CNGB1: variants seen among roughly 807,000 people sequenced by gnomAD.
CNGB1 encodes cyclic nucleotide-gated channel beta-1.
Under a neutral mutation model 151.7 loss-of-function variants are expected in CNGB1, and 126 were observed. That is an observed-to-expected ratio of 0.83 (90% CI 0.72 to 0.96). The LOEUF is 0.96. Ranked by LOEUF, CNGB1 falls within the 40% of genes least tolerant of loss-of-function variation. CNGB1 has a pLI of 0.00. For missense variants in CNGB1, 1,698 were observed against 1,627.0 expected (o/e 1.04, Z -0.75); for synonymous variants, 623 against 635.1 (o/e 0.98, Z 0.29).
chr16:57,963,820 A>G (rs1962322766), intron 4 of CNGB1: 2 of 436,482 alleles, frequency 4.6e-6, no homozygotes, highest in Admixed American at 7.1e-5. Flanking sequence ...AGTCTAATGA[A>G]TGAATGAGTG....
intron 16 of CNGB1, 89 bp downstream of exon 16, chr16:57,939,341 G>A: frequency 6.4e-7 from 1 of 1,570,128 alleles, no homozygotes; most frequent in Non-Finnish European, 8.7e-7. Context: ...GGGAGAGGAG[G>A]AGGGGTTGCC....
intron 12 of CNGB1, among the ~76,000 whole-genome samples, chr16:57,956,084 G>A (rs751031350): frequency 7.2e-5 from 11 of 152,218 alleles, no homozygotes; most frequent in Non-Finnish European, 1.5e-4. Flanking sequence ...CCTGGCCACA[G>A]CTGGCGGGGA....
chr16:57,944,551 A>G (rs1167586654), intron 14 of CNGB1, among the ~76,000 whole-genome samples: 2 of 152,226 alleles, frequency 1.3e-5, no homozygotes, highest in African/African-American at 4.8e-5. Flanking sequence ...AAAAATGATG[A>G]ACATATGAGG....
At chr16:57,890,086 C>T (rs1357771832) in intron 31 of CNGB1, among the ~76,000 whole-genome samples, 1 of 152,214 alleles carries the variant, frequency 6.6e-6, no homozygotes, top group African/African-American at 2.4e-5. Flanking sequence ...TTTCACACTA[C>T]AAACATGCGG....
chr16:57,939,676 G>T, intron 15 of CNGB1, 84 bp from the exon 16 acceptor site: 1 of 1,576,710 alleles, frequency 6.3e-7, no homozygotes, highest in African/African-American at 1.3e-5. Flanking sequence ...TCTGCCTTCA[G>T]AAGTCCACAT....
Position 57,897,839 on chromosome 16 carries a change from C to T in CNGB1, c.3052G>A (p.Val1018Met). 1.2e-6 allele frequency: 2 copies of T among 1,614,230 alleles called. No homozygotes were observed. The highest frequency in any genetic ancestry group is 1.7e-6 in the Non-Finnish European group (2 of 1,180,042). Residue 1018 changes from valine (V) to methionine (M), a missense_variant, in exon 30 of 33, where the codon GTG (valine) becomes ATG (methionine). Val to Met is a conservative substitution (Grantham distance 21, BLOSUM62 1). Transcript: ENST00000251102. ...QVLGGPDGKS[V>M]LVTLKAGSVF... ...GATCCAGCTTTCAGCGTCACCAGCA[C>T]AGATTTCCCATCAGGGCCGCCCAAG...
chr16:57,903,446 T>G (rs1159313827), intron 27 of CNGB1, among the ~76,000 whole-genome samples: 1 of 151,964 alleles, frequency 6.6e-6, no homozygotes, highest in Non-Finnish European at 1.5e-5. Context: ...GAGCCAAGAT[T>G]GCTCCACTGC....
chr16:57,963,118 C>T (rs1411276327), intron 4 of CNGB1, 54 bp from the exon 5 acceptor site: 2 of 1,298,478 alleles, frequency 1.5e-6, no homozygotes, highest in Non-Finnish European at 1.1e-6. Flanking sequence ...CTCAATGAGG[C>T]CCTCGAGGCC....
intron 14 of CNGB1, 91 bp from the exon 15 acceptor site, chr16:57,940,412 A>C (rs1961639262): frequency 5.5e-6 from 7 of 1,272,474 alleles, no homozygotes; most frequent in Non-Finnish European, 7.7e-6. Context: ...GCTCTGTGCC[A>C]GGAGCGGAGG....
intron 1 of CNGB1, among the ~76,000 whole-genome samples, chr16:57,969,600 C>T (rs1038578934): frequency 1.3e-5 from 2 of 152,138 alleles, no homozygotes; most frequent in African/African-American, 4.8e-5. Flanking sequence ...GAGTAAGACC[C>T]TGTCTCAAAA....
Position 57,967,195 on chromosome 16 carries a change from G to A in CNGB1, c.92C>T (p.Pro31Leu), listed in dbSNP as rs1363816505. The change falls in exon 2 of 33, where the codon CCA (proline) becomes CTA (leucine). Residue 31 changes from proline (P) to leucine (L), a missense_variant. Pro to Leu is a moderately conservative substitution (Grantham distance 98, BLOSUM62 -3). Transcript: ENST00000251102. ...MQEEEEVEPE[P>L]EMEAEVEPEP... ...TGGTTCCACCTCCGCCTCCATCTCT[G>A]GCTCTGGTTCCACTTCCTCTTCCTC... 6.2e-7 allele frequency: 1 copy of A among 1,614,120 alleles called. No homozygotes were observed. The highest frequency in any genetic ancestry group is 1.7e-5 in the Admixed American group (1 of 60,014).
chr16:57,962,529 T>C (rs780919261), intron 7 of CNGB1, 36 bp downstream of exon 7: 5 of 1,601,916 alleles, frequency 3.1e-6, no homozygotes, highest in Non-Finnish European at 3.4e-6. Context: ...CACCCACACA[T>C]ACAGACAACA....
chr16:57,908,702 C>T (rs533156466), intron 25 of CNGB1, among the ~76,000 whole-genome samples: 1 of 152,330 alleles, frequency 6.6e-6, no homozygotes, highest in South Asian at 2.1e-4. Context: ...ACTCCTCATC[C>T]CTCGTCCCTC....
chr16:57,888,316 A>G (rs1487594853), intron 31 of CNGB1, among the ~76,000 whole-genome samples: 1 of 152,166 alleles, frequency 6.6e-6, no homozygotes, highest in Non-Finnish European at 1.5e-5. Flanking sequence ...GATGAGGAAA[A>G]TGATGCTCAG....
At chr16:57,962,537 A>G (rs1292740152) in intron 7 of CNGB1, 28 bp downstream of exon 7, 39 of 1,607,666 alleles carry the variant, frequency 2.4e-5, no homozygotes, top group African/African-American at 4.0e-5. Context: ...CATACAGACA[A>G]CAGTGACACT....
Position 57,960,520 on chromosome 16 carries a change from T to A in CNGB1, c.545A>T (p.Asp182Val), listed in dbSNP as rs748928062. The A allele has an allele frequency of 6.2e-6, 10 of 1,613,728 alleles. 1 individual carries two copies. The South Asian group carries it at 1.1e-4, about 18-fold the overall frequency. The change falls in exon 9 of 33, where the codon GAT becomes GTT. Residue 182 changes from aspartate (D) to valine (V), a missense_variant. By Grantham distance (152) the Asp-to-Val change is radical (BLOSUM62 -3). Transcript: ENST00000251102. ...AGCACCTGTAGCAACTGCAGGCTCA[T>A]CTCTCCAGACCTGGGTGACAAACAG... ...QPPKSSEVWR[D>V]EPAVATGAAS...
In CNGB1 at chr16:57,940,242, A is replaced by C. The variant is rs1168821180; in HGVS notation, c.1201T>G (p.Ser401Ala). ...CCTGGTGCTTCTCATACCTGATCTGAAGTGCTCTGGGGCCGGGTCCCGTCT... is the reference window on the plus strand; with the variant it reads ...CCTGGTGCTTCTCATACCTGATCTGCAGTGCTCTGGGGCCGGGTCCCGTCT... ...EEDGTRPQST[S>A]DQKLWEEVGE... Residue 401 changes from serine (S) to alanine (A), a missense_variant, in exon 15 of 33, where the codon TCA becomes GCA. Coordinates refer to ENST00000251102, the MANE Select transcript of CNGB1 (RefSeq NM_001297.5). 6.4e-7 allele frequency: 1 copy of C among 1,567,872 alleles called. No homozygotes were observed. The highest frequency in any genetic ancestry group is 2.3e-5 in the East Asian group (1 of 42,882).
chr16:57,940,656 C>T (rs1319575011), intron 14 of CNGB1, among the ~76,000 whole-genome samples: 1 of 152,180 alleles, frequency 6.6e-6, no homozygotes, highest in Non-Finnish European at 1.5e-5. Context: ...ATGAGAACAA[C>T]ATGTGCGAGA....
rs372804572 is a variant in CNGB1, at chr16:57,919,100, G to A, written c.1956C>T (p.Thr652=). Residue 652 remains threonine, a splice_region_variant and synonymous_variant, in exon 20 of 33, where the codon ACC becomes ACT. Coordinates refer to ENST00000251102, the MANE Select transcript of CNGB1 (RefSeq NM_001297.5). ...YQFPQSIDPL[T]NLMYVLWLFF... ...GAACACCCATTCCCCAGGACTCACT[G>A]GTCAGCGGGTCAATGCTCTGGGGAA... 117 of 1,614,046 alleles carry A rather than the reference G, an allele frequency of 7.2e-5. No homozygotes were observed. The highest frequency in any genetic ancestry group is 9.7e-5 in the Non-Finnish European group (114 of 1,180,058).
Sources: gnomAD v4.1 joint callset for allele counts (sites outside exome capture counted in the v4.1 genomes callset) on GRCh38, gnomAD v4.1.1 for gene constraint, MANE v1.5 for transcripts, NCBI Gene and HGNC (gene_info 2026-07-23, HGNC 2026-07-21) for gene names.